EFHC1: variants seen among roughly 807,000 people sequenced by gnomAD.
EFHC1 encodes EF-hand domain containing 1.
In EFHC1, 53 loss-of-function variants were observed where a neutral mutation model predicts 69.9. That is an observed-to-expected ratio of 0.76 (90% CI 0.61 to 0.95). EFHC1 has a LOEUF of 0.95. Ranked by LOEUF, EFHC1 falls within the 40% of genes least tolerant of loss-of-function variation. The pLI is 0.00. For missense variants in EFHC1, 739 were observed against 798.7 expected (o/e 0.93, Z 0.90); for synonymous variants, 256 against 278.4 (o/e 0.92, Z 0.80).
In EFHC1 at chr6:52,494,263, C is replaced by A; in HGVS notation, c.*1922C>A. On this transcript the variant is annotated 3_prime_UTR_variant, in exon 11 of 11. Coordinates refer to ENST00000371068, the MANE Select transcript of EFHC1 (RefSeq NM_018100.4). ...ACTATCTGTATTTTAGAAGTTTTTT[C>A]AGCTTAAAAATTACCAAGCTCTATC... is the stretch of plus-strand genomic sequence containing the variant. The A allele has an allele frequency of 4.4e-6, 2 of 454,138 alleles. No individual in the cohort carries two copies. Among genetic ancestry groups the A allele is most frequent in the East Asian group, 6.9e-5 (1 of 14,400 alleles). The allele number at this position is 454,138 out of a possible 1,614,324, so 28.1% of individuals were successfully genotyped here.
chr6:52,490,036 G>T, intron 9 of EFHC1, 104 bp from the exon 10 acceptor site: 1 of 1,068,160 alleles, frequency 9.4e-7, no homozygotes, highest in South Asian at 1.3e-5. Context: ...TCAAAGCTGT[G>T]ATTAGAAGCT....
At chr6:52,467,782 C>G (rs1284263784) in intron 6 of EFHC1, among the ~76,000 whole-genome samples, 1 of 152,104 alleles carries the variant, frequency 6.6e-6, no homozygotes, top group East Asian at 1.9e-4. Flanking sequence ...ATAAATAGCT[C>G]TATAATAAAC....
At position 52,438,229 on chromosome 6, in the gene EFHC1, GA is replaced by G. The variant is rs1336194820; in HGVS notation, c.286-73del. On this transcript the variant is annotated intron_variant, in intron 2 of 10. Coordinates refer to ENST00000371068, the MANE Select transcript of EFHC1 (RefSeq NM_018100.4). ...TCTCCCTGTGTGGTTCTGTTTTCAG[GA>G]AGGTACTTGATATTTTTCAGATGAC... 2.8e-6 allele frequency: 4 copies of G among 1,420,370 alleles called. No individual in the cohort carries two copies. In the African/African-American group the frequency reaches 5.6e-5, roughly 20 times the overall value. 88.0% of individuals were successfully genotyped at this position (1,420,370 alleles called of 1,614,324 possible). A position where few individuals can be genotyped will look rare whatever the true frequency, so the allele number is the denominator to read the frequency against.
chr6:52,439,799 A>G (rs1280282577), intron 3 of EFHC1, among the ~76,000 whole-genome samples: 1 of 152,116 alleles, frequency 6.6e-6, no homozygotes, highest in Non-Finnish European at 1.5e-5. Flanking sequence ...AATAGCTTCA[A>G]AAGTAGAGGT....
intron 6 of EFHC1, among the ~76,000 whole-genome samples, 155 bp downstream of exon 6, chr6:52,465,270 A>G (rs1026304087): frequency 6.6e-6 from 1 of 152,246 alleles, no homozygotes; most frequent in Non-Finnish European, 1.5e-5. Context: ...TGACAAAAAA[A>G]TTATGAGAAG....
Position 52,492,992 on chromosome 6 carries a change from G to A in EFHC1, c.*651G>A, listed in dbSNP as rs1229770495. ...ATAAACATTTGAATCAGAAGACTAA[G>A]TAAAACAGATAGTCCTCCCTAATGT... On this transcript the variant is annotated 3_prime_UTR_variant, in exon 11 of 11. Coordinates refer to ENST00000371068, the MANE Select transcript of EFHC1 (RefSeq NM_018100.4). 1 of 453,962 alleles carries A rather than the reference G, an allele frequency of 2.2e-6. No homozygotes were observed. The highest frequency in any genetic ancestry group is 1.6e-5 in the South Asian group (1 of 64,480). The allele number at this position is 453,962 out of a possible 1,614,324, so 28.1% of individuals were successfully genotyped here.
rs369777400 is a variant in EFHC1, at chr6:52,438,544, A to G, written c.526A>G (p.Ile176Val). 4.3e-6 allele frequency: 7 copies of G among 1,613,956 alleles called. No homozygotes were observed. The African/African-American group carries it at 6.7e-5, about 15-fold the overall frequency. ...KDLNRGINIT[I>V]YGKTFRVVDC... The stretch of plus-strand genomic sequence containing the variant: ...CCTAAATCGAGGAATAAACATCACA[A>G]TTTATGGCAAAACTTTCCGCGTTGT... Residue 176 changes from isoleucine (I) to valine (V), a missense_variant, in exon 3 of 11, where the codon ATT (isoleucine) becomes GTT (valine). By Grantham distance (29) the Ile-to-Val change is conservative. Coordinates refer to ENST00000371068, the MANE Select transcript of EFHC1 (RefSeq NM_018100.4).
chr6:52,435,750 T>C (rs945377130), intron 2 of EFHC1, among the ~76,000 whole-genome samples: 2 of 152,238 alleles, frequency 1.3e-5, no homozygotes, highest in Non-Finnish European at 2.9e-5. Flanking sequence ...TTATTACCAC[T>C]GCTTAGAAGC....
chr6:52,440,908 A>G (rs988737624), intron 3 of EFHC1, among the ~76,000 whole-genome samples: 2 of 151,798 alleles, frequency 1.3e-5, no homozygotes, highest in African/African-American at 2.4e-5. Flanking sequence ...TTTTTTTCAT[A>G]TGGTTATTGG....
At chr6:52,470,661 C>T (rs1287112935) in intron 7 of EFHC1, among the ~76,000 whole-genome samples, 2 of 152,172 alleles carry the variant, frequency 1.3e-5, no homozygotes, top group Non-Finnish European at 2.9e-5. Flanking sequence ...GCTTTCAACC[C>T]AGTATTCTTT....
At chr6:52,433,514 T>C (rs1160383959) in intron 2 of EFHC1, among the ~76,000 whole-genome samples, 1 of 152,118 alleles carries the variant, frequency 6.6e-6, no homozygotes, top group African/African-American at 2.4e-5. Context: ...CTGCACAGAG[T>C]CCTGTGCTGT....
chr6:52,473,391 A>T (rs1385622972), intron 7 of EFHC1, among the ~76,000 whole-genome samples: 1 of 152,258 alleles, frequency 6.6e-6, no homozygotes, highest in Non-Finnish European at 1.5e-5. Flanking sequence ...TAAATGTGAA[A>T]GGTAAAACAA....
chr6:52,439,606 A>G (rs1764614472), intron 3 of EFHC1, among the ~76,000 whole-genome samples: 1 of 152,162 alleles, frequency 6.6e-6, no homozygotes, highest in Non-Finnish European at 1.5e-5. Flanking sequence ...GATTGGTTAT[A>G]TGTCAGATGA....
At chr6:52,473,432 A>G (rs1018856557) in intron 7 of EFHC1, among the ~76,000 whole-genome samples, 1 of 152,232 alleles carries the variant, frequency 6.6e-6, no homozygotes, top group East Asian at 1.9e-4. Context: ...TAATCTTAAC[A>G]TTATAGTAGG....
intron 2 of EFHC1, among the ~76,000 whole-genome samples, chr6:52,425,187 T>G (rs1764277280): frequency 6.6e-6 from 1 of 152,196 alleles, no homozygotes; most frequent in Non-Finnish European, 1.5e-5. Flanking sequence ...CATTCACATA[T>G]GCATTCATAG....
At chr6:52,444,075 T>C (rs1226305278) in intron 3 of EFHC1, among the ~76,000 whole-genome samples, 1 of 152,236 alleles carries the variant, frequency 6.6e-6, no homozygotes, top group Admixed American at 6.5e-5. Flanking sequence ...TCACTCATGA[T>C]TTGGCTCTCT....
intron 2 of EFHC1, among the ~76,000 whole-genome samples, chr6:52,429,580 G>A (rs979215377): frequency 6.6e-6 from 1 of 152,140 alleles, no homozygotes; most frequent in Non-Finnish European, 1.5e-5. Flanking sequence ...GTACCATGCT[G>A]TTTTGGTAAC....
At chr6:52,485,501 C>T (rs762732673) in intron 9 of EFHC1, 24 of 151,858 alleles carry the variant, frequency 1.6e-4, no homozygotes, top group Non-Finnish European at 2.9e-4. Flanking sequence ...TTTGTTTGGC[C>T]CCATGAAGCC....
intron 3 of EFHC1, among the ~76,000 whole-genome samples, chr6:52,440,209 C>T (rs971420594): frequency 6.6e-6 from 1 of 152,022 alleles, no homozygotes; most frequent in Non-Finnish European, 1.5e-5. Context: ...GTCAACTGAT[C>T]AATACATAAG....
Sources: allele counts gnomAD v4.1 joint callset (sites outside exome capture counted in the v4.1 genomes callset), GRCh38; gene constraint gnomAD v4.1.1; transcripts MANE v1.5; gene names NCBI Gene and HGNC (gene_info 2026-07-23, HGNC 2026-07-21).